The following GPC5 variants were observed in gnomAD, a reference collection of about 807,000 sequenced individuals.
GPC5 encodes glypican-5.
GPC5 carries 47 observed loss-of-function variants against 53.9 expected under a neutral mutation model. The ratio of observed to expected loss-of-function variants is 0.87; its 90% CI spans 0.69 to 1.11. The LOEUF (loss-of-function observed/expected upper bound fraction) is 1.11, where lower values mean the gene tolerates loss of function less well. Among genes scored for constraint, GPC5 ranks in the 50% most tolerant of loss-of-function variants. The pLI is 0.00. For missense variants in GPC5, 748 were observed against 713.1 expected (o/e 1.05, Z -0.56); for synonymous variants, 286 against 263.3 (o/e 1.09, Z -0.84).
At chr13:92,199,718 C>T (rs967572935) in intron 7 of GPC5, among the ~76,000 whole-genome samples, 7 of 152,136 alleles carry the variant, frequency 4.6e-5, no homozygotes, top group East Asian at 1.9e-4. Context: ...CTTCTGTCCA[C>T]GCAAGAGACT....
At chr13:91,452,672 G>A (rs1319442501) in intron 2 of GPC5, among the ~76,000 whole-genome samples, 2 of 151,934 alleles carry the variant, frequency 1.3e-5, no homozygotes, top group Non-Finnish European at 2.9e-5. Flanking sequence ...GGAAATTGAT[G>A]GAGAGTCATC....
intron 7 of GPC5, among the ~76,000 whole-genome samples, chr13:92,595,747 G>A (rs12869397): frequency 0.24 from 28,408 of 117,346 alleles, 3,339 homozygotes; most frequent in Admixed American, 0.38. Flanking sequence ...CAGCCTGGGC[G>A]AAAGAGCGAG....
chr13:92,033,036 C>CATGTGTGTGTGT (rs1491249102), intron 6 of GPC5, among the ~76,000 whole-genome samples: 6 of 138,992 alleles, frequency 4.3e-5, no homozygotes, highest in African/African-American at 1.4e-4. Context: ...TAGTTATTGT[C>CATGTGTGTGTGT]GTGTGTGTGT....
chr13:92,602,220 AAT>A (rs10675978), intron 7 of GPC5, among the ~76,000 whole-genome samples: 15 of 110,242 alleles, frequency 1.4e-4, no homozygotes, highest in South Asian at 1.2e-3. Context: ...CATATATATA[AAT>A]ATATATATAA....
At chr13:91,607,823 G>A (rs1044307785) in intron 2 of GPC5, among the ~76,000 whole-genome samples, 1 of 152,128 alleles carries the variant, frequency 6.6e-6, no homozygotes, top group Non-Finnish European at 1.5e-5. Context: ...AATAAATTAA[G>A]GCGTGGACCT....
intron 1 of GPC5, among the ~76,000 whole-genome samples, chr13:91,422,250 A>G (rs141922292): frequency 1.3e-5 from 2 of 152,322 alleles, no homozygotes; most frequent in Non-Finnish European, 2.9e-5. Flanking sequence ...GGATTTGTAA[A>G]AAGCAAACTC....
At chr13:92,248,239 A>T (rs1218222221) in intron 7 of GPC5, among the ~76,000 whole-genome samples, 1 of 151,934 alleles carries the variant, frequency 6.6e-6, no homozygotes, top group East Asian at 1.9e-4. Context: ...CCATAGGCTG[A>T]GGGATTAAGG....
intron 2 of GPC5, among the ~76,000 whole-genome samples, chr13:91,565,827 C>A (rs2031500646): frequency 1.3e-5 from 2 of 152,078 alleles, no homozygotes; most frequent in Non-Finnish European, 1.5e-5. Context: ...AGTCTGAAAT[C>A]CAGGTGTCTG....
intron 7 of GPC5, among the ~76,000 whole-genome samples, chr13:92,470,029 C>G (rs1878849079): frequency 6.6e-6 from 1 of 152,018 alleles, no homozygotes; most frequent in Non-Finnish European, 1.5e-5. Context: ...AAAACAAAGG[C>G]TAGTATTATA....
chr13:92,520,794 G>C (rs1474914853), intron 7 of GPC5, among the ~76,000 whole-genome samples: 2 of 151,996 alleles, frequency 1.3e-5, no homozygotes, highest in African/African-American at 2.4e-5. Context: ...AATCAAGCAG[G>C]ACAAAGAAAT....
At chr13:91,923,232 G>A (rs1317305314) in intron 6 of GPC5, among the ~76,000 whole-genome samples, 1 of 152,126 alleles carries the variant, frequency 6.6e-6, no homozygotes, top group Admixed American at 6.5e-5. Context: ...GTACATATGA[G>A]TCCATAATGT....
chr13:92,840,086 T>TATATATATATATATATATATATATAC, intron 7 of GPC5, among the ~76,000 whole-genome samples: 1 of 34,840 alleles, frequency 2.9e-5, no homozygotes, highest in African/African-American at 1.3e-4. Flanking sequence ...TACATATATA[T>TATATATATATATATATATATATATAC]ATATATATAT....
intron 7 of GPC5, among the ~76,000 whole-genome samples, chr13:92,602,178 T>C (rs1050535002): frequency 1.4e-5 from 2 of 143,990 alleles, no homozygotes; most frequent in African/African-American, 5.1e-5. Flanking sequence ...ATACACACTA[T>C]ATATATTACA....
intron 7 of GPC5, among the ~76,000 whole-genome samples, chr13:92,767,425 C>G (rs536963095): frequency 6.6e-6 from 1 of 152,094 alleles, no homozygotes; most frequent in African/African-American, 2.4e-5. Context: ...GAGCCGGGAT[C>G]GCGCCACCAC....
intron 1 of GPC5, among the ~76,000 whole-genome samples, chr13:91,445,940 G>A (rs1017636728): frequency 1.3e-5 from 2 of 152,132 alleles, no homozygotes; most frequent in African/African-American, 4.8e-5. Flanking sequence ...CTATTTTGGG[G>A]TTCTCCTGAT....
At chr13:91,596,062 T>C (rs1467776809) in intron 2 of GPC5, among the ~76,000 whole-genome samples, 1 of 152,252 alleles carries the variant, frequency 6.6e-6, no homozygotes, top group Non-Finnish European at 1.5e-5. Flanking sequence ...TAGTGATTGC[T>C]ATACCTTCGT....
chr13:92,420,835 T>A (rs911960156), intron 7 of GPC5, among the ~76,000 whole-genome samples: 1 of 152,242 alleles, frequency 6.6e-6, no homozygotes, highest in Non-Finnish European at 1.5e-5. Context: ...ATTCCTTTTA[T>A]GGCTGAATAG....
intron 2 of GPC5, among the ~76,000 whole-genome samples, chr13:91,479,786 T>C (rs1883203794): frequency 6.6e-6 from 1 of 152,154 alleles, no homozygotes. Context: ...TAGTGATATA[T>C]TTATATTTTC....
intron 2 of GPC5, among the ~76,000 whole-genome samples, chr13:91,650,727 T>C (rs951027605): frequency 7.0e-6 from 1 of 143,342 alleles, no homozygotes; most frequent in African/African-American, 2.7e-5. Flanking sequence ...ACTGTGAACA[T>C]CTGTGAAACA....
Sources: gnomAD v4.1 joint callset for allele counts (sites outside exome capture counted in the v4.1 genomes callset) on GRCh38, gnomAD v4.1.1 for gene constraint, MANE v1.5 for transcripts, NCBI Gene and HGNC (gene_info 2026-07-23, HGNC 2026-07-21) for gene names.